CSRP2: variants seen among roughly 807,000 people sequenced by gnomAD.
CSRP2 encodes cysteine and glycine rich protein 2, also known as cysteine and glycine-rich protein 2.
A neutral mutation model predicts 24.6 loss-of-function variants in CSRP2; 18 were observed. The ratio of observed to expected loss-of-function variants is 0.73; its 90% confidence interval spans 0.51 to 1.09. The LOEUF is 1.09. Ranked by LOEUF, CSRP2 falls within the 50% of genes least tolerant of loss-of-function variation. CSRP2 has a pLI of 0.00. For missense variants in CSRP2, 215 were observed against 239.4 expected (o/e 0.90, Z 0.67); for synonymous variants, 87 against 84.3 (o/e 1.03, Z -0.18).
Position 76,866,268 on chromosome 12 carries a change from G to T in CSRP2, c.-1-7C>A. The T allele has an allele frequency of 1.2e-6, 2 of 1,606,884 alleles. No individual in the cohort carries two copies. Among genetic ancestry groups the T allele is most frequent in the Non-Finnish European group, 1.7e-6 (2 of 1,173,538 alleles). On this transcript the variant is annotated splice_region_variant and splice_polypyrimidine_tract_variant and intron_variant, in intron 1 of 5. Coordinates refer to ENST00000311083, the MANE Select transcript of CSRP2 (RefSeq NM_001321.3). The stretch of plus-strand genomic sequence containing the variant: ...ACCTCCCCAGACAGGCATTCTGAAG[G>T]AATAAAGGATTCATTAGAATGTCCC...
chr12:76,859,049 G>A (rs374324291), intron 5 of CSRP2, 21 bp from the exon 6 acceptor site: 27 of 1,610,296 alleles, frequency 1.7e-5, no homozygotes, highest in Admixed American at 3.3e-5. Flanking sequence ...AAGGGAGGAA[G>A]GATAGTTAGT....
rs765676528 is a variant in CSRP2 at position 76,863,345 on chromosome 12, C to T, written c.113-1G>A. On this transcript the variant is annotated splice_acceptor_variant, in intron 2 of 5. Transcript: ENST00000311083. LOFTEE classifies it high-confidence loss of function. ...CTATCTAAATTTTTCCTGCAAACCA[C>T]TGCAGGGGAAAAAGTTAGACTTTAC... 6.8e-6 allele frequency: 11 copies of T among 1,613,754 alleles called. No individual in the cohort carries two copies. Among genetic ancestry groups the T allele is most frequent in the Non-Finnish European group, 8.5e-6 (10 of 1,179,850 alleles).
At chr12:76,871,084 A>C (rs1953791783) in intron 1 of CSRP2, among the ~76,000 whole-genome samples, 1 of 151,876 alleles carries the variant, frequency 6.6e-6, no homozygotes, top group East Asian at 1.9e-4. Flanking sequence ...AGGGAGAGGA[A>C]GTTGATTGAC....
At chr12:76,869,573 CACACA>C (rs1565826508) in intron 1 of CSRP2, among the ~76,000 whole-genome samples, 102 of 146,960 alleles carry the variant, frequency 6.9e-4, no homozygotes, top group Middle Eastern at 3.5e-3. Context: ...CACACACACA[CACACA>C]CCCCTGACTG....
chr12:76,862,299 G>C (rs1193253141), intron 3 of CSRP2: 1 of 152,212 alleles, frequency 6.6e-6, no homozygotes, highest in Non-Finnish European at 1.5e-5. Context: ...CATGCACTTT[G>C]GGAGGCCGAG....
At chr12:76,871,597 C>A (rs573771240) in intron 1 of CSRP2, among the ~76,000 whole-genome samples, 1 of 151,970 alleles carries the variant, frequency 6.6e-6, no homozygotes, top group African/African-American at 2.4e-5. Context: ...GGTGAAACCC[C>A]GTCTCTACTA....
At chr12:76,863,454 A>G in intron 2 of CSRP2, 110 bp from the exon 3 acceptor site, 1 of 1,127,820 alleles carries the variant, frequency 8.9e-7, no homozygotes, top group Non-Finnish European at 1.3e-6. Context: ...AGGCTCCCTC[A>G]CATTCCTGGT....
chr12:76,877,666 G>A (rs1211559268), intron 1 of CSRP2, among the ~76,000 whole-genome samples: 1 of 152,218 alleles, frequency 6.6e-6, no homozygotes, highest in African/African-American at 2.4e-5. Context: ...AAGTATCAGT[G>A]ACAATGGACG....
At chr12:76,869,732 G>A (rs1039889667) in intron 1 of CSRP2, among the ~76,000 whole-genome samples, 3 of 152,134 alleles carry the variant, frequency 2.0e-5, no homozygotes, top group South Asian at 2.1e-4. Context: ...AGTATCTTGC[G>A]ACAATAGGAC....
At chr12:76,870,335 AC>A (rs1953784402) in intron 1 of CSRP2, among the ~76,000 whole-genome samples, 1 of 152,262 alleles carries the variant, frequency 6.6e-6, no homozygotes, top group Non-Finnish European at 1.5e-5. Flanking sequence ...CCATTGAAGA[AC>A]AGCCTGGATT....
Position 76,868,626 on chromosome 12 carries a change from A to C in CSRP2, c.-1-2365T>G, listed in dbSNP as rs186757175. On this transcript the variant is annotated intron_variant, in intron 1 of 5. Coordinates refer to ENST00000311083, the MANE Select transcript of CSRP2 (RefSeq NM_001321.3). ...TTTATTAGCAGCGTGACAACAGACTAATACATTTACCATAGATGATTTGAA... is the reference window on the plus strand; with the variant it reads ...TTTATTAGCAGCGTGACAACAGACTCATACATTTACCATAGATGATTTGAA... 5.7e-3 allele frequency among the ~76,000 whole-genome samples: 861 copies of C among 152,340 alleles called. 10 individuals carry two copies. The highest frequency in any genetic ancestry group is 0.02 in the African/African-American group (837 of 41,568).
chr12:76,869,911 G>A (rs1953780216), intron 1 of CSRP2, among the ~76,000 whole-genome samples: 1 of 152,192 alleles, frequency 6.6e-6, no homozygotes, highest in Admixed American at 6.5e-5. Flanking sequence ...AGTACAGTTA[G>A]AGAAACTGAC....
chr12:76,878,995 G>C lies in CSRP2; in HGVS notation c.-59C>G, dbSNP rs971003873. 1 of 152,346 alleles carries C rather than the reference G, an allele frequency of 6.6e-6. No homozygotes were observed. Among genetic ancestry groups the C allele is most frequent in the Admixed American group, 6.5e-5 (1 of 15,290 alleles). The allele number at this position is 152,346 out of a possible 1,614,324, so 9.4% of individuals were successfully genotyped here. A position where few individuals can be genotyped will look rare whatever the true frequency, so the allele number is the denominator to read the frequency against. On this transcript the variant is annotated 5_prime_UTR_variant, in exon 1 of 6. Transcript: ENST00000311083. ...GGAGCTAGCGAGGCTGGGCTGGAGG[G>C]AGGGTCCAGGGAGTCCGAGATCCCA...
chr12:76,860,312 G>A lies in CSRP2; in HGVS notation c.383C>T (p.Ala128Val). The part of the protein sequence containing the change: ...KCSRCGDSVY[A>V]AEKIIGAGKP... ...TCCAGCTCCAATTATCTTCTCGGCA[G>A]CATATACAGAATCCCCACATCTGGA... Residue 128 changes from alanine to valine, a missense_variant, in exon 4 of 6, where the codon GCT becomes GTT. Physicochemically the swap from Ala to Val is moderately conservative, Grantham distance 64. Transcript: ENST00000311083. 6.2e-7 allele frequency: 1 copy of A among 1,614,060 alleles called. No homozygotes were observed. Among genetic ancestry groups the A allele is most frequent in the Non-Finnish European group, 8.5e-7 (1 of 1,179,974 alleles).
Position 76,874,861 on chromosome 12 carries a change from G to A in CSRP2, c.-2+4077C>T, listed in dbSNP as rs1953838223. Among the ~76,000 whole-genome samples the A allele has an allele frequency of 2.0e-5, 3 of 152,118 alleles. No individual in the cohort carries two copies. The South Asian group carries it at 6.2e-4, about 32-fold the overall frequency. The stretch of plus-strand genomic sequence containing the variant: ...ATCTAATGCCTGGTGATCTGAGATG[G>A]AACAGTTTCATCCCAAAATTTCATG... On this transcript the variant is annotated intron_variant, in intron 1 of 5. Coordinates refer to ENST00000311083, the MANE Select transcript of CSRP2 (RefSeq NM_001321.3).
intron 1 of CSRP2, among the ~76,000 whole-genome samples, chr12:76,867,000 C>T (rs1363839916): frequency 6.6e-6 from 1 of 152,166 alleles, no homozygotes; most frequent in East Asian, 1.9e-4. Flanking sequence ...TCAGTCAGGC[C>T]ATACAGAATC....
intron 5 of CSRP2, among the ~76,000 whole-genome samples, chr12:76,859,274 A>G (rs1413034586): frequency 1.3e-5 from 2 of 152,202 alleles, no homozygotes; most frequent in East Asian, 3.8e-4. Context: ...CAGGTAAGGT[A>G]TGTATTTGTC....
At chr12:76,873,611 T>G (rs1205438731) in intron 1 of CSRP2, among the ~76,000 whole-genome samples, 1 of 152,172 alleles carries the variant, frequency 6.6e-6, no homozygotes, top group Non-Finnish European at 1.5e-5. Context: ...ATTTCTCTCA[T>G]CCGTAAACTT....
chr12:76,876,418 G>T (rs1277733696), intron 1 of CSRP2, among the ~76,000 whole-genome samples: 1 of 152,124 alleles, frequency 6.6e-6, no homozygotes, highest in Non-Finnish European at 1.5e-5. Context: ...ATAAAAAAAA[G>T]AAATTGTGCC....
Sources: allele counts gnomAD v4.1 joint callset (sites outside exome capture counted in the v4.1 genomes callset), GRCh38; gene constraint gnomAD v4.1.1; transcripts MANE v1.5; gene names NCBI Gene and HGNC (gene_info 2026-07-23, HGNC 2026-07-21).